GPC3: variants seen among roughly 807,000 people sequenced by gnomAD.
GPC3 encodes glypican 3.
Under a neutral mutation model 34.4 loss-of-function variants are expected in GPC3, and 3 were observed. That is an observed-to-expected ratio of 0.09 (90% CI 0.04 to 0.23). The LOEUF (loss-of-function observed/expected upper bound fraction) is 0.23. Among genes scored for constraint, GPC3 ranks in the 10% least tolerant of loss-of-function variants. GPC3 has a pLI of 1.00. For synonymous variants in GPC3, 177 were observed against 174.0 expected, an observed-to-expected ratio of 1.02 and a Z score of -0.13; for missense variants, 351 against 445.6, an observed-to-expected ratio of 0.79 and a Z score of 1.91.
intron 7 of GPC3, among the ~76,000 whole-genome samples, chrX:133,537,608 C>G (rs989848844): frequency 9.0e-6 from 1 of 111,560 alleles, no homozygotes; most frequent in African/African-American, 3.3e-5. Flanking sequence ...ACTAAGATAC[C>G]AATTTCCAAA....
intron 7 of GPC3, among the ~76,000 whole-genome samples, chrX:133,595,537 A>AT (rs1161077242): frequency 1.8e-5 from 2 of 110,360 alleles, no homozygotes; most frequent in Non-Finnish European, 3.8e-5. Context: ...AGTTATTATT[A>AT]TTTTTTTTAC....
intron 7 of GPC3, among the ~76,000 whole-genome samples, chrX:133,582,090 C>G (rs1329792123): frequency 9.0e-6 from 1 of 111,533 alleles, no homozygotes; most frequent in African/African-American, 3.3e-5. Flanking sequence ...AATGTGACCA[C>G]ACTGAACACA....
chrX:133,912,402 T>C (rs2076204568), intron 2 of GPC3, among the ~76,000 whole-genome samples: 1 of 112,323 alleles, frequency 8.9e-6, no homozygotes, highest in East Asian at 2.8e-4. Context: ...AGCTATCAGA[T>C]TTAGCTCTCA....
intron 6 of GPC3, among the ~76,000 whole-genome samples, chrX:133,646,243 T>C (rs1462497242): frequency 9.0e-6 from 1 of 111,138 alleles, no homozygotes; most frequent in Non-Finnish European, 1.9e-5. Flanking sequence ...TTAGACAGAA[T>C]TGTACAAAGA....
intron 2 of GPC3, among the ~76,000 whole-genome samples, chrX:133,867,394 A>G (rs1277711610): frequency 9.0e-6 from 1 of 110,603 alleles, no homozygotes; most frequent in Non-Finnish European, 1.9e-5. Context: ...GAGCAAAGAG[A>G]GTATTTCCTA....
intron 2 of GPC3, among the ~76,000 whole-genome samples, chrX:133,934,880 A>C (rs139923092): frequency 0.018 from 2,037 of 110,717 alleles, 27 homozygotes; most frequent in Non-Finnish European, 0.029. Context: ...GAATGACCTA[A>C]TACAGCCTCG....
At chrX:133,550,828 C>T (rs1569379749) in intron 7 of GPC3, among the ~76,000 whole-genome samples, 1 of 112,155 alleles carries the variant, frequency 8.9e-6, no homozygotes, top group Non-Finnish European at 1.9e-5. Context: ...TGGCAGGGCT[C>T]AAGCCCTGAC....
At chrX:133,664,651 G>GT (rs1017543393) in intron 5 of GPC3, among the ~76,000 whole-genome samples, 3 of 111,425 alleles carry the variant, frequency 2.7e-5, no homozygotes, top group Non-Finnish European at 3.8e-5. Context: ...ATTGTTGGAT[G>GT]TTATGCTTGA....
intron 1 of GPC3, among the ~76,000 whole-genome samples, chrX:133,975,733 C>G (rs1291621700): frequency 8.9e-6 from 1 of 112,020 alleles, no homozygotes; most frequent in Non-Finnish European, 1.9e-5. Flanking sequence ...TATCAGTGCT[C>G]AATAAATGTT....
chrX:133,897,060 C>A (rs1455800439), intron 2 of GPC3, among the ~76,000 whole-genome samples: 2 of 109,233 alleles, frequency 1.8e-5, no homozygotes, highest in Non-Finnish European at 3.8e-5. Flanking sequence ...GCGCCCACAA[C>A]CACGCCCAGC....
At chrX:133,851,097 C>T (rs190552609) in intron 2 of GPC3, among the ~76,000 whole-genome samples, 138 of 111,415 alleles carry the variant, frequency 1.2e-3, no homozygotes, top group Admixed American at 6.6e-3. Flanking sequence ...AGCAAGACTC[C>T]GTCTCCAAAA....
chrX:133,643,980 A>G (rs977609512), intron 6 of GPC3, among the ~76,000 whole-genome samples: 37 of 109,384 alleles, frequency 3.4e-4, no homozygotes, highest in African/African-American at 1.1e-3. Flanking sequence ...GGTGCCCACC[A>G]CCATGCCCAG....
intron 6 of GPC3, among the ~76,000 whole-genome samples, chrX:133,634,695 G>T (rs143502105): frequency 1.8e-5 from 2 of 111,984 alleles, no homozygotes; most frequent in African/African-American, 6.5e-5. Context: ...GAGAAGTGAC[G>T]GAAAACAGGC....
intron 2 of GPC3, among the ~76,000 whole-genome samples, chrX:133,802,914 C>CTTTT (rs751359373): frequency 7.3e-5 from 5 of 68,545 alleles, no homozygotes; most frequent in Non-Finnish European, 1.1e-4. Flanking sequence ...GGAAGGTATT[C>CTTTT]TTTTTTTTTT....
At chrX:133,860,503 T>C (rs1178825051) in intron 2 of GPC3, among the ~76,000 whole-genome samples, 1 of 111,828 alleles carries the variant, frequency 8.9e-6, no homozygotes, top group Non-Finnish European at 1.9e-5. Flanking sequence ...AATGAGTGCT[T>C]ACGTCCAGGC....
chrX:133,579,337 G>C (rs2069713775), intron 7 of GPC3, among the ~76,000 whole-genome samples: 1 of 111,951 alleles, frequency 8.9e-6, no homozygotes, highest in Non-Finnish European at 1.9e-5. Context: ...ACTACACTAG[G>C]AACTTCTATG....
chrX:133,718,078 C>A (rs890098408), intron 3 of GPC3, among the ~76,000 whole-genome samples: 1 of 111,277 alleles, frequency 9.0e-6, no homozygotes, highest in Non-Finnish European at 1.9e-5. Flanking sequence ...CAGAGTGAGA[C>A]CCTGTCTCTA....
intron 7 of GPC3, among the ~76,000 whole-genome samples, chrX:133,545,211 A>G (rs2069373551): frequency 9.0e-6 from 1 of 111,553 alleles, no homozygotes; most frequent in Admixed American, 9.5e-5. Context: ...AAGACAAGGG[A>G]TGGGAAACAC....
chrX:133,727,653 C>A (rs2071423580), intron 3 of GPC3, among the ~76,000 whole-genome samples: 1 of 111,907 alleles, frequency 8.9e-6, no homozygotes, highest in Admixed American at 9.5e-5. Flanking sequence ...CCTCTACATG[C>A]ATCTCCCCAT....
Sources: allele counts gnomAD v4.1 joint callset (sites outside exome capture counted in the v4.1 genomes callset), GRCh38; gene constraint gnomAD v4.1.1; transcripts MANE v1.5; gene names NCBI Gene and HGNC (gene_info 2026-07-23, HGNC 2026-07-21).